The following TCF20 variants were observed in gnomAD, a reference collection of about 807,000 sequenced individuals.
The protein encoded by TCF20 is SPRE-binding protein.
A neutral mutation model predicts 148.6 loss-of-function variants in TCF20; 3 were observed. The ratio of observed to expected loss-of-function variants is 0.02; its 90% CI spans 0.01 to 0.05. The LOEUF is 0.05. TCF20 is among the 10% of genes least tolerant of loss of function. The probability of loss-of-function intolerance (pLI) is 1.00; values close to 1 mark genes in which losing one functional copy is unlikely to be tolerated. For missense variants in TCF20, 2,350 were observed against 2,429.3 expected, an observed-to-expected ratio of 0.97 and a Z score of 0.69; for synonymous variants, 1,049 against 909.5, an observed-to-expected ratio of 1.15 and a Z score of -2.76.
At chr22:42,181,434 G>C (rs6002647) in intron 2 of TCF20, among the ~76,000 whole-genome samples, 3 of 146,472 alleles carry the variant, frequency 2.0e-5, no homozygotes, top group Non-Finnish European at 4.4e-5. Context: ...CTGGCCTCCT[G>C]CTGCCACTTT....
intron 4 of TCF20, among the ~76,000 whole-genome samples, chr22:42,169,151 C>G (rs1214816450): frequency 1.3e-5 from 2 of 151,336 alleles, no homozygotes; most frequent in East Asian, 3.9e-4. Context: ...TGACCTCAGC[C>G]AGAGACACAG....
intron 1 of TCF20, among the ~76,000 whole-genome samples, chr22:42,248,422 C>T (rs992747195): frequency 3.3e-5 from 5 of 152,148 alleles, no homozygotes; most frequent in African/African-American, 1.2e-4. Flanking sequence ...AAAATACTGA[C>T]TTTATTGGGT....
chr22:42,185,161 G>T (rs1601543256), intron 2 of TCF20, among the ~76,000 whole-genome samples: 2 of 152,166 alleles, frequency 1.3e-5, no homozygotes, highest in African/African-American at 4.8e-5. Context: ...AAGCAACTGG[G>T]TCACAGTAGT....
At position 42,189,546 on chromosome 22, in the gene TCF20, T is replaced by C. The variant is rs546631511; in HGVS notation, c.5656-9844A>G. ...CAGGCTATCTTCCTGCTTTAGTAAATAGCTCAGGGTTTTGAGTAAACTGAT... is the reference window on the plus strand; with the variant it reads ...CAGGCTATCTTCCTGCTTTAGTAAACAGCTCAGGGTTTTGAGTAAACTGAT... On this transcript the variant is annotated intron_variant, in intron 2 of 5. Coordinates refer to ENST00000677622, the MANE Select transcript of TCF20 (RefSeq NM_001378418.1). 3.9e-5 allele frequency among the ~76,000 whole-genome samples: 6 copies of C among 152,316 alleles called. 1 individual carries two copies. The highest frequency in any genetic ancestry group is 1.2e-4 in the African/African-American group (5 of 41,560).
chr22:42,272,297 G>C (rs560063493), upstream of TCF20, among the ~76,000 whole-genome samples: 3 of 152,216 alleles, frequency 2.0e-5, no homozygotes, highest in African/African-American at 7.2e-5. Context: ...AGCTGGAAGA[G>C]GCACTCAGCA....
chr22:42,242,075 G>A (rs140471455), intron 1 of TCF20, among the ~76,000 whole-genome samples: 93 of 151,468 alleles, frequency 6.1e-4, no homozygotes, highest in African/African-American at 2.2e-3. Flanking sequence ...GGTAATAAGT[G>A]CCTGTAAGTC....
intron 1 of TCF20, among the ~76,000 whole-genome samples, chr22:42,315,282 A>T (rs1027224700): frequency 6.6e-6 from 1 of 152,110 alleles, no homozygotes; most frequent in East Asian, 1.9e-4. Flanking sequence ...GGGTGCTCAC[A>T]CACCATGCTG....
rs887353063 is a variant in TCF20 at position 42,212,549 on chromosome 22, G to A, written c.2757C>T (p.Thr919=). Residue 919 remains threonine (T), a synonymous_variant, in exon 2 of 6, where the codon ACC becomes ACT. Transcript: ENST00000677622. Reference sequence around the variant, plus strand: ...TCTGCCCGCTCTGGGATTTCAGCTTGGTTTCCATGGACACCAAACCACCAG... The same window carrying A: ...TCTGCCCGCTCTGGGATTTCAGCTTAGTTTCCATGGACACCAAACCACCAG... ...ILPGGLVSME[T]KLKSQSGQIK... The A allele has an allele frequency of 1.9e-6, 3 of 1,613,936 alleles. No homozygotes were observed. The highest frequency in any genetic ancestry group is 2.5e-6 in the Non-Finnish European group (3 of 1,179,794).
chr22:42,270,807 T>G (rs1008670821), upstream of TCF20, among the ~76,000 whole-genome samples: 1 of 146,068 alleles, frequency 6.8e-6, no homozygotes, highest in Non-Finnish European at 1.5e-5. Context: ...TGCGGCGGCG[T>G]CGAGGCTGGC....
intron 3 of TCF20, among the ~76,000 whole-genome samples, chr22:42,175,038 A>T (rs1364876775): frequency 6.6e-6 from 1 of 151,994 alleles, no homozygotes; most frequent in Non-Finnish European, 1.5e-5. Flanking sequence ...CTGTCTCAAA[A>T]AACAAAAAAA....
chr22:42,320,526 C>T (rs1927713397), intron 1 of TCF20, among the ~76,000 whole-genome samples: 2 of 152,236 alleles, frequency 1.3e-5, no homozygotes, highest in African/African-American at 4.8e-5. Flanking sequence ...CCCCGGCCTG[C>T]ACTGTGGATT....
chr22:42,212,995 T>G lies in TCF20; in HGVS notation c.2311A>C (p.Ser771Arg). 6.2e-7 allele frequency: 1 copy of G among 1,614,144 alleles called. No individual in the cohort carries two copies. The highest frequency in any genetic ancestry group is 2.2e-5 in the East Asian group (1 of 44,880). ...HHHPDRRYSRSTQEHQGMAGS... is the reference protein window; with the variant it reads ...HHHPDRRYSRRTQEHQGMAGS... The stretch of plus-strand genomic sequence containing the variant: ...GCCATCCCCTGATGCTCTTGAGTAC[T>G]CCTAGAATATCTCCTGTCAGGGTGG... Residue 771 changes from serine to arginine, a missense_variant, in exon 2 of 6, where the codon AGT becomes CGT. This residue lies in a region of TCF20 where 1,641 missense variants were observed against 1,662.6 expected (regional missense o/e 0.99). Transcript: ENST00000677622.
intron 5 of TCF20, among the ~76,000 whole-genome samples, chr22:42,164,212 C>CTTTTTTTTTTTTTTTT (rs56079117): frequency 1.2e-5 from 1 of 83,556 alleles, no homozygotes; most frequent in African/African-American, 4.8e-5. Flanking sequence ...TCATTTCTTT[C>CTTTTTTTTTTTTTTTT]TTTTTTTTTT....
chr22:42,268,162 A>T (rs562187768), intron 1 of TCF20, among the ~76,000 whole-genome samples: 14 of 152,136 alleles, frequency 9.2e-5, no homozygotes, highest in Non-Finnish European at 1.6e-4. Flanking sequence ...TAAGTAAATA[A>T]AAGGGGATTT....
At position 42,211,122 on chromosome 22, in the gene TCF20, C is replaced by A. The variant is rs1920949019; in HGVS notation, c.4184G>T (p.Gly1395Val). 1 of 1,614,100 alleles carries A rather than the reference C, an allele frequency of 6.2e-7. No individual in the cohort carries two copies. ...ILSLKSGPPE[G>V]GSVAVQDADI... ...AGCATCCTGAACAGCAACACTCCCA[C>A]CTTCAGGAGGACCACTCTTCAAAGA... is the stretch of plus-strand genomic sequence containing the variant. The change falls in exon 2 of 6, where the codon GGT becomes GTT. Residue 1395 changes from glycine to valine, a missense_variant. Around this residue, in one of 7 missense-constraint regions of TCF20, gnomAD observed 231 missense variants for 213.7 expected, o/e 1.08. Coordinates refer to ENST00000677622, the MANE Select transcript of TCF20 (RefSeq NM_001378418.1).
rs59283483 is a variant in TCF20, at chr22:42,221,739, G to GTTT, written c.-36-6401_-36-6399dup. 5.1e-4 allele frequency among the ~76,000 whole-genome samples: 47 copies of GTTT among 92,806 alleles called. 5 individuals are homozygous for GTTT. The highest frequency in any genetic ancestry group is 2.6e-3 in the East Asian group (8 of 3,064). The allele number at this position is 92,806 out of a possible 152,430, so 60.9% of individuals were successfully genotyped here. On this transcript the variant is annotated intron_variant, in intron 1 of 5. Transcript: ENST00000677622. ...GGGCTTATTAACCATATGGCAAAGG[G>GTTT]TTTTTTTTTTTTTTTTTGAGACGGA...
intron 1 of TCF20, among the ~76,000 whole-genome samples, chr22:42,240,250 G>T (rs1198376444): frequency 2.6e-5 from 4 of 152,082 alleles, no homozygotes; most frequent in Admixed American, 6.6e-5. Flanking sequence ...CAAAAATCAG[G>T]CGACTGGCTG....
At chr22:42,304,036 C>T (rs990448730) in intron 1 of TCF20, among the ~76,000 whole-genome samples, 4 of 151,880 alleles carry the variant, frequency 2.6e-5, no homozygotes, top group East Asian at 1.9e-4. Context: ...ACCCCCCTGC[C>T]GCAAGAACAT....
upstream of TCF20, among the ~76,000 whole-genome samples, chr22:42,273,136 T>A (rs1226080025): frequency 6.6e-6 from 1 of 151,620 alleles, no homozygotes; most frequent in Admixed American, 6.6e-5. Context: ...AAGGGGGGTG[T>A]ATCACCTGAG....
Sources: allele counts gnomAD v4.1 joint callset (sites outside exome capture counted in the v4.1 genomes callset), GRCh38; gene constraint gnomAD v4.1.1; regional missense constraint gnomAD v4.1.1; transcripts MANE v1.5; gene names NCBI Gene and HGNC (gene_info 2026-07-23, HGNC 2026-07-21).